UGT2B17: variants seen among roughly 807,000 people sequenced by gnomAD.
UGT2B17 encodes UDP glucuronosyltransferase family 2 member B17.
A neutral mutation model predicts 48.2 loss-of-function variants in UGT2B17; 21 were observed. The observed-to-expected ratio is 0.44, with a 90% CI of 0.31 to 0.63. UGT2B17 has a LOEUF of 0.63. UGT2B17 is among the 20% of genes least tolerant of loss of function. UGT2B17 has a pLI of 0.08. For missense variants in UGT2B17, 402 were observed against 696.1 expected, an observed-to-expected ratio of 0.58 and a Z score of 4.75; for synonymous variants, 146 against 238.4, an observed-to-expected ratio of 0.61 and a Z score of 3.57.
In UGT2B17 at chr4:68,547,626, G is replaced by A; in HGVS notation, c.1313+3051C>T. Among the ~76,000 whole-genome samples, 2 of 126,130 alleles carry A rather than the reference G, an allele frequency of 1.6e-5. 1 individual carries two copies. The highest frequency in any genetic ancestry group is 3.4e-5 in the Non-Finnish European group (2 of 59,572). The allele number at this position is 126,130 out of a possible 152,430, so 82.7% of individuals were successfully genotyped here. A position where few individuals can be genotyped will look rare whatever the true frequency, so the allele number is the denominator to read the frequency against. Reference sequence around the variant, plus strand: ...TGCACAGCAAAGGAAACTACCATCAGATTGAACAGGCAACCTACAGAATGG... The same window carrying A: ...TGCACAGCAAAGGAAACTACCATCAAATTGAACAGGCAACCTACAGAATGG... On this transcript the variant is annotated intron_variant, in intron 6 of 6. Transcript: ENST00000317746.
At chr4:68,548,564 T>C (rs1465868749) in intron 6 of UGT2B17, among the ~76,000 whole-genome samples, 1 of 125,076 alleles carries the variant, frequency 8.0e-6, no homozygotes, top group Non-Finnish European at 1.7e-5. Context: ...ACCCTAAAAC[T>C]TAAAGTATAA....
intron 3 of UGT2B17, among the ~76,000 whole-genome samples, chr4:68,564,296 T>TATA (rs1226939611): frequency 1.4e-4 from 13 of 93,814 alleles, no homozygotes; most frequent in African/African-American, 7.5e-4. Flanking sequence ...ATATATATAT[T>TATA]TTTTTTTTTT....
intron 4 of UGT2B17, among the ~76,000 whole-genome samples, chr4:68,555,142 A>T (rs1352571844): frequency 7.9e-6 from 1 of 126,080 alleles, no homozygotes; most frequent in Non-Finnish European, 1.7e-5. Flanking sequence ...TTAGAAATGC[A>T]TTAAGACTTG....
chr4:68,574,410 A>G (rs1731337948), intron 1 of UGT2B17, among the ~76,000 whole-genome samples: 1 of 126,600 alleles, frequency 7.9e-6, no homozygotes, highest in African/African-American at 2.7e-5. Flanking sequence ...ATAAGGTAAG[A>G]TTTTATAGAC....
rs1249175905 is a variant in UGT2B17 at position 68,574,154 on chromosome 4, T to A, written c.-65+1797A>T. Among the ~76,000 whole-genome samples the A allele has an allele frequency of 1.6e-5, 2 of 127,180 alleles. 1 individual carries two copies. The highest frequency in any genetic ancestry group is 1.5e-3 in the East Asian group (2 of 1,350). 83.4% of individuals were successfully genotyped at this position (127,180 alleles called of 152,430 possible). ...TTTGTAGCTTGATATACTGTCTTAATTGCTAAAGTTTGTTTTAAGTCTTTA... is the reference window on the plus strand; with the variant it reads ...TTTGTAGCTTGATATACTGTCTTAAATGCTAAAGTTTGTTTTAAGTCTTTA... On this transcript the variant is annotated intron_variant, in intron 1 of 6. Transcript: ENST00000317746.
In UGT2B17 at chr4:68,570,164, C is replaced by T. The variant is rs141867461; in HGVS notation, c.-64-1616G>A. Reference sequence around the variant, plus strand: ...AGCTGGGAGCATCGGCAAGCTACTGCCTTAAAATCCAAGCTCCTCAAGTGC... The same window carrying T: ...AGCTGGGAGCATCGGCAAGCTACTGTCTTAAAATCCAAGCTCCTCAAGTGC... On this transcript the variant is annotated intron_variant, in intron 1 of 6. Transcript: ENST00000317746. 8.5e-4 allele frequency among the ~76,000 whole-genome samples: 108 copies of T among 126,868 alleles called. 17 individuals are homozygous for T. The highest frequency in any genetic ancestry group is 2.7e-3 in the African/African-American group (100 of 37,124). The allele number at this position is 126,868 out of a possible 152,430, so 83.2% of individuals were successfully genotyped here. A position where few individuals can be genotyped will look rare whatever the true frequency, so the allele number is the denominator to read the frequency against.
intron 1 of UGT2B17, among the ~76,000 whole-genome samples, chr4:68,569,499 G>A (rs116610581): frequency 0.016 from 1,991 of 125,542 alleles, 413 homozygotes; most frequent in African/African-American, 0.052. Context: ...ATTCCTGCCT[G>A]GCACCACAGT....
rs541913581 is a variant in UGT2B17 at position 68,558,634 on chromosome 4, T to C, written c.1005+1903A>G. 1.6e-5 allele frequency among the ~76,000 whole-genome samples: 2 copies of C among 126,462 alleles called. 1 individual carries two copies. The allele number at this position is 126,462 out of a possible 152,430, so 83.0% of individuals were successfully genotyped here. On this transcript the variant is annotated intron_variant, in intron 4 of 6. Coordinates refer to ENST00000317746, the MANE Select transcript of UGT2B17 (RefSeq NM_001077.4). ...ATGAGACTTCAGAACCTGCTAAAAATGAACTTTCCTAATAACTCAGGACCT... is the reference window on the plus strand; with the variant it reads ...ATGAGACTTCAGAACCTGCTAAAAACGAACTTTCCTAATAACTCAGGACCT...
At position 68,547,331 on chromosome 4, in the gene UGT2B17, T is replaced by C. The variant is rs1176240769; in HGVS notation, c.1313+3346A>G. 4.0e-5 allele frequency among the ~76,000 whole-genome samples: 5 copies of C among 126,448 alleles called. 1 individual carries two copies. The highest frequency in any genetic ancestry group is 1.4e-4 in the African/African-American group (5 of 36,940). The allele number at this position is 126,448 out of a possible 152,430, so 83.0% of individuals were successfully genotyped here. On this transcript the variant is annotated intron_variant, in intron 6 of 6. Coordinates refer to ENST00000317746, the MANE Select transcript of UGT2B17 (RefSeq NM_001077.4). ...CAAAAACAAGAAATGGGGAAAGGAT[T>C]CCCTATTTAATAAATGGTGCTAGGA...
At position 68,567,707 on chromosome 4, in the gene UGT2B17, C is replaced by T. The variant is rs1277834601; in HGVS notation, c.724+54G>A. 57 of 1,196,938 alleles carry T rather than the reference C, an allele frequency of 4.8e-5. 13 individuals carry two copies. In the African/African-American group the frequency reaches 8.8e-4, roughly 19 times the overall value. The allele number at this position is 1,196,938 out of a possible 1,614,324, so 74.1% of individuals were successfully genotyped here. On this transcript the variant is annotated intron_variant, in intron 2 of 6. Coordinates refer to ENST00000317746, the MANE Select transcript of UGT2B17 (RefSeq NM_001077.4). ...CATTATATTTATATAAGCCCACCTTCAAAGGCACAGGAAAATTAGAACTTA... is the reference window on the plus strand; with the variant it reads ...CATTATATTTATATAAGCCCACCTTTAAAGGCACAGGAAAATTAGAACTTA...
chr4:68,543,552 C>A (rs1730727499), intron 6 of UGT2B17, among the ~76,000 whole-genome samples: 1 of 125,894 alleles, frequency 7.9e-6, no homozygotes, highest in Non-Finnish European at 1.7e-5. Flanking sequence ...AAATGCAGCT[C>A]CTCACCAGCA....
In UGT2B17 at chr4:68,551,093, A is replaced by G. The variant is rs1270314253; in HGVS notation, c.1094-197T>C. Among the ~76,000 whole-genome samples the G allele has an allele frequency of 1.6e-5, 2 of 125,514 alleles. 1 individual carries two copies. The highest frequency in any genetic ancestry group is 3.4e-5 in the Non-Finnish European group (2 of 59,288). 82.3% of individuals were successfully genotyped at this position (125,514 alleles called of 152,430 possible). On this transcript the variant is annotated intron_variant, in intron 5 of 6. Coordinates refer to ENST00000317746, the MANE Select transcript of UGT2B17 (RefSeq NM_001077.4). ...GGAAAGGTAAGTGAAGGCTACATGA[A>G]AAGGTGGTGGTCTGTGTGTCTTCAC...
intron 1 of UGT2B17, among the ~76,000 whole-genome samples, chr4:68,573,581 G>A (rs970750483): frequency 7.9e-6 from 1 of 125,882 alleles, no homozygotes; most frequent in Admixed American, 8.1e-5. Context: ...CTTATAAGGG[G>A]CTCCTCTCAC....
chr4:68,542,569 C>T (rs1428430386), intron 6 of UGT2B17, among the ~76,000 whole-genome samples: 1 of 125,960 alleles, frequency 7.9e-6, no homozygotes, highest in Non-Finnish European at 1.7e-5. Context: ...GGTTCATCTC[C>T]CAGGGGACTG....
rs1731047036 is a variant in UGT2B17, at chr4:68,558,587, C to T, written c.1005+1950G>A. Among the ~76,000 whole-genome samples the T allele has an allele frequency of 2.4e-5, 3 of 125,544 alleles. 1 individual carries two copies. Among genetic ancestry groups the T allele is most frequent in the Non-Finnish European group, 5.1e-5 (3 of 59,264 alleles). 82.4% of individuals were successfully genotyped at this position (125,544 alleles called of 152,430 possible). Reference sequence around the variant, plus strand: ...TGTTTTTGTTTTTCTCACTTCCTCCCTTTATTTTGTCTTCACAGTACATGA... The same window carrying T: ...TGTTTTTGTTTTTCTCACTTCCTCCTTTTATTTTGTCTTCACAGTACATGA... On this transcript the variant is annotated intron_variant, in intron 4 of 6. Coordinates refer to ENST00000317746, the MANE Select transcript of UGT2B17 (RefSeq NM_001077.4).
intron 3 of UGT2B17, among the ~76,000 whole-genome samples, chr4:68,562,745 A>G (rs1294430871): frequency 4.0e-5 from 5 of 126,444 alleles, no homozygotes; most frequent in African/African-American, 1.3e-4. Context: ...TAAAATGTGT[A>G]CCATTTCATT....
chr4:68,550,959 G>A lies in UGT2B17; in HGVS notation c.1094-63C>T. ...AAGGCACAGGAATTGAATAAGAAATGCACAATATAAGGAACTTAAAGCAAA... is the reference window on the plus strand; with the variant it reads ...AAGGCACAGGAATTGAATAAGAAATACACAATATAAGGAACTTAAAGCAAA... On this transcript the variant is annotated intron_variant, in intron 5 of 6. Transcript: ENST00000317746. 4 of 1,226,320 alleles carry A rather than the reference G, an allele frequency of 3.3e-6. 1 individual carries two copies. The highest frequency in any genetic ancestry group is 4.3e-6 in the Non-Finnish European group (4 of 935,372). The allele number at this position is 1,226,320 out of a possible 1,614,324, so 76.0% of individuals were successfully genotyped here.
At chr4:68,571,435 CCAAA>C (rs1178487868) in intron 1 of UGT2B17, among the ~76,000 whole-genome samples, 1 of 125,416 alleles carries the variant, frequency 8.0e-6, no homozygotes, top group Non-Finnish European at 1.7e-5. Flanking sequence ...CTGGGTGGGC[CCAAA>C]CAGTCTGCAA....
intron 1 of UGT2B17, among the ~76,000 whole-genome samples, chr4:68,573,143 G>A (rs1257629978): frequency 7.8e-6 from 1 of 127,436 alleles, no homozygotes; most frequent in Admixed American, 7.9e-5. Flanking sequence ...CTAAGAGTTA[G>A]CTTATTTGCT....
Sources: gnomAD v4.1 joint callset for allele counts (sites outside exome capture counted in the v4.1 genomes callset) on GRCh38, gnomAD v4.1.1 for gene constraint, MANE v1.5 for transcripts, NCBI Gene and HGNC (gene_info 2026-07-23, HGNC 2026-07-21) for gene names.